The following AFG2A variants were observed in gnomAD, a reference collection of about 807,000 sequenced individuals.
AFG2A encodes ATPase family gene 2 protein homolog A.
the AFG2A span, among the ~76,000 whole-genome samples, chr4:123,306,120 A>G: frequency 9.2e-5 from 14 of 152,208 alleles, no homozygotes; most frequent in Non-Finnish European, 1.0e-4. Context: ...TTATACTCAC[A>G]TGTCCCTTTG....
the AFG2A span, among the ~76,000 whole-genome samples, chr4:123,240,602 G>A: frequency 0.021 from 3,124 of 152,188 alleles, 97 homozygotes; most frequent in African/African-American, 0.071. Context: ...AAGACACAAC[G>A]TACCAGAATC....
At chr4:123,142,134 C>T in the AFG2A span, among the ~76,000 whole-genome samples, 1 of 152,124 alleles carries the variant, frequency 6.6e-6, no homozygotes, top group African/African-American at 2.4e-5. Flanking sequence ...GGCTGTTTGG[C>T]ATTAAATATC....
chr4:123,176,584 A>T, the AFG2A span, among the ~76,000 whole-genome samples: 1 of 152,194 alleles, frequency 6.6e-6, no homozygotes, highest in African/African-American at 2.4e-5. Flanking sequence ...ACCAAATACA[A>T]GGGTTTTCAT....
At chr4:123,289,865 T>C in the AFG2A span, among the ~76,000 whole-genome samples, 3 of 149,066 alleles carry the variant, frequency 2.0e-5, no homozygotes, top group Non-Finnish European at 4.5e-5. Context: ...CCTTTCCCAC[T>C]TTTTTTTTTA....
At chr4:123,278,203 T>C in the AFG2A span, among the ~76,000 whole-genome samples, 1 of 152,172 alleles carries the variant, frequency 6.6e-6, no homozygotes. Context: ...GTTGTATTTG[T>C]CCAGGAATTT....
At chr4:123,194,382 G>A in the AFG2A span, among the ~76,000 whole-genome samples, 3 of 152,156 alleles carry the variant, frequency 2.0e-5, no homozygotes, top group African/African-American at 4.8e-5. Context: ...TTGGGCCCAG[G>A]TTCAAAGCCA....
chr4:123,194,305 G>A, the AFG2A span, among the ~76,000 whole-genome samples: 7 of 152,138 alleles, frequency 4.6e-5, no homozygotes, highest in African/African-American at 1.7e-4. Context: ...TAACTCTGAC[G>A]ATAGCTGATG....
chr4:123,311,057 C>A, the AFG2A span, among the ~76,000 whole-genome samples: 10 of 152,190 alleles, frequency 6.6e-5, no homozygotes, highest in Admixed American at 6.5e-4. Flanking sequence ...ATCCCTATCT[C>A]ATCCAACCAT....
At chr4:123,062,642 A>T in the AFG2A span, among the ~76,000 whole-genome samples, 6 of 152,198 alleles carry the variant, frequency 3.9e-5, no homozygotes, top group African/African-American at 1.4e-4. Flanking sequence ...GCCTGGTCCT[A>T]GGCTACTAAC....
chr4:123,293,861 G>A, the AFG2A span, among the ~76,000 whole-genome samples: 1 of 152,200 alleles, frequency 6.6e-6, no homozygotes, highest in African/African-American at 2.4e-5. Flanking sequence ...CTGAGCCTCT[G>A]GGGGTTTGAC....
the AFG2A span, among the ~76,000 whole-genome samples, chr4:122,939,675 C>T: frequency 6.6e-6 from 1 of 151,604 alleles, no homozygotes; most frequent in Non-Finnish European, 1.5e-5. Context: ...TACATGTGCA[C>T]AATGTGCAGG....
At chr4:123,047,214 G>A in the AFG2A span, among the ~76,000 whole-genome samples, 48 of 152,150 alleles carry the variant, frequency 3.2e-4, 1 homozygote, top group Non-Finnish European at 6.3e-4. Context: ...CATTCCCATC[G>A]ACAGTGTACA....
At chr4:123,035,664 TAA>T in the AFG2A span, among the ~76,000 whole-genome samples, 1 of 152,104 alleles carries the variant, frequency 6.6e-6, no homozygotes, top group African/African-American at 2.4e-5. Context: ...CATCATATGT[TAA>T]GACTATATAT....
the AFG2A span, among the ~76,000 whole-genome samples, chr4:123,227,517 G>A: frequency 9.3e-4 from 141 of 152,104 alleles, 1 homozygote; most frequent in Middle Eastern, 0.014. Flanking sequence ...GTAGTTGAGC[G>A]GTTTTGAGTG....
chr4:123,007,602 GTGTGTGTATA>G, the AFG2A span, among the ~76,000 whole-genome samples: 3 of 11,044 alleles, frequency 2.7e-4, no homozygotes, highest in Non-Finnish European at 5.1e-4. Context: ...GTGTGTGTGT[GTGTGTGTATA>G]TATATATATA....
At chr4:123,284,058 C>T in the AFG2A span, among the ~76,000 whole-genome samples, 3 of 152,138 alleles carry the variant, frequency 2.0e-5, no homozygotes, top group Admixed American at 6.6e-5. Flanking sequence ...TAAAGGTAAG[C>T]GGAAATACAT....
chr4:123,181,278 C>T, the AFG2A span, among the ~76,000 whole-genome samples: 1 of 151,868 alleles, frequency 6.6e-6, no homozygotes, highest in Admixed American at 6.6e-5. Flanking sequence ...GCCACTGCGC[C>T]CGGCCCTCCT....
the AFG2A span, among the ~76,000 whole-genome samples, chr4:123,226,798 C>T: frequency 1.3e-5 from 2 of 152,260 alleles, no homozygotes; most frequent in African/African-American, 4.8e-5. Flanking sequence ...CCAGCTCCTC[C>T]TTGTACCTCT....
At chr4:123,256,262 G>C in the AFG2A span, 1 of 1,502,824 alleles carries the variant, frequency 6.7e-7, no homozygotes, top group Non-Finnish European at 9.0e-7. Context: ...TGCTTGCCCT[G>C]AGGTGTTTTA....
Sources: allele counts gnomAD v4.1 joint callset (sites outside exome capture counted in the v4.1 genomes callset), GRCh38; gene constraint gnomAD v4.1.1; transcripts MANE v1.5; gene names NCBI Gene and HGNC (gene_info 2026-07-23, HGNC 2026-07-21).